KIFAP3: variants seen among roughly 807,000 people sequenced by gnomAD.
The protein encoded by KIFAP3 is kinesin-associated protein 3.
A neutral mutation model predicts 106.5 loss-of-function variants in KIFAP3; 68 were observed. The observed-to-expected ratio is 0.64, with a 90% CI of 0.53 to 0.78. KIFAP3 has a LOEUF of 0.78. Among genes scored for constraint, KIFAP3 ranks in the 30% least tolerant of loss-of-function variants. The pLI is 0.00. For missense variants in KIFAP3, 780 were observed against 941.8 expected (o/e 0.83, Z 2.25); for synonymous variants, 320 against 311.5 (o/e 1.03, Z -0.29).
At chr1:169,973,409 T>C (rs1666042557) in intron 16 of KIFAP3, among the ~76,000 whole-genome samples, 1 of 138,338 alleles carries the variant, frequency 7.2e-6, no homozygotes, top group Admixed American at 7.4e-5. Flanking sequence ...ACAAAACAAA[T>C]ACTAAAAACT....
Position 169,969,291 on chromosome 1 carries a change from C to G in KIFAP3, c.1983+3222G>C, listed in dbSNP as rs547490812. 5.3e-5 allele frequency among the ~76,000 whole-genome samples: 8 copies of G among 152,042 alleles called. No individual in the cohort carries two copies. The East Asian group carries it at 1.5e-3, about 29-fold the overall frequency. On this transcript the variant is annotated intron_variant, in intron 17 of 19. Coordinates refer to ENST00000361580, the MANE Select transcript of KIFAP3 (RefSeq NM_014970.4). ...CCTTCTCTGTAACTTCTCTTCAAGA[C>G]GTTGTAAGATACTTCTTAAAGTGTT...
chr1:169,936,961 T>TTA (rs58498952), intron 19 of KIFAP3, among the ~76,000 whole-genome samples: 81,101 of 145,598 alleles, frequency 0.56, 22,697 homozygotes, highest in Middle Eastern at 0.71. Flanking sequence ...GGAATATATA[T>TTA]TATATATATA....
chr1:169,951,510 T>C (rs560519971), intron 19 of KIFAP3, among the ~76,000 whole-genome samples: 2 of 151,992 alleles, frequency 1.3e-5, no homozygotes, highest in East Asian at 3.9e-4. Context: ...GTAAAAGGAT[T>C]TTCCCAAAGT....
chr1:170,041,470 C>T (rs1328554137), intron 3 of KIFAP3, among the ~76,000 whole-genome samples: 2 of 152,076 alleles, frequency 1.3e-5, no homozygotes, highest in Admixed American at 6.5e-5. Flanking sequence ...AGTGAGACCC[C>T]GTCTCTACAA....
chr1:170,022,403 C>T (rs529887442), intron 9 of KIFAP3, among the ~76,000 whole-genome samples: 2 of 151,844 alleles, frequency 1.3e-5, no homozygotes, highest in East Asian at 3.9e-4. Context: ...TTAAAAATTG[C>T]TTATTGTTAA....
At chr1:169,957,583 A>G (rs1338216373) in intron 18 of KIFAP3, among the ~76,000 whole-genome samples, 1 of 152,064 alleles carries the variant, frequency 6.6e-6, no homozygotes, top group African/African-American at 2.4e-5. Flanking sequence ...CTTATATATC[A>G]TCTTGTATAT....
At chr1:169,933,716 A>C (rs1489950227) in intron 19 of KIFAP3, among the ~76,000 whole-genome samples, 2 of 152,054 alleles carry the variant, frequency 1.3e-5, no homozygotes, top group African/African-American at 4.8e-5. Context: ...CTTCTTTGTC[A>C]CTCATGTACA....
intron 19 of KIFAP3, among the ~76,000 whole-genome samples, chr1:169,929,925 C>T (rs537978620): frequency 2.2e-4 from 33 of 152,098 alleles, no homozygotes; most frequent in African/African-American, 5.8e-4. Flanking sequence ...CACTGAGATA[C>T]TTCAGATAAA....
upstream of KIFAP3, among the ~76,000 whole-genome samples, chr1:170,076,953 T>C (rs1380222367): frequency 1.3e-5 from 2 of 152,222 alleles, no homozygotes; most frequent in African/African-American, 2.4e-5. Context: ...GCTGGACTTC[T>C]GGGTCGGGTG....
At position 169,941,566 on chromosome 1, in the gene KIFAP3, A is replaced by G. The variant is rs541232744; in HGVS notation, c.2273+12445T>C. 8.2e-4 allele frequency among the ~76,000 whole-genome samples: 125 copies of G among 152,280 alleles called. 1 individual carries two copies. Among genetic ancestry groups the G allele is most frequent in the African/African-American group, 2.8e-3 (118 of 41,570 alleles). On this transcript the variant is annotated intron_variant, in intron 19 of 19. Transcript: ENST00000361580. ...TGGCTAAACAGTAACTGTGACTTCA[A>G]TCTTCTGGGAAAATATAAGCTGATT... is the stretch of plus-strand genomic sequence containing the variant.
intron 19 of KIFAP3, among the ~76,000 whole-genome samples, chr1:169,950,161 A>C (rs934961536): frequency 1.3e-5 from 2 of 152,122 alleles, no homozygotes; most frequent in African/African-American, 4.8e-5. Context: ...ATTTTTCTTT[A>C]AACAATTAAA....
intron 11 of KIFAP3, among the ~76,000 whole-genome samples, chr1:169,988,183 A>G (rs778786441): frequency 2.0e-5 from 3 of 152,190 alleles, no homozygotes; most frequent in Middle Eastern, 3.4e-3. Context: ...AATATTTTCT[A>G]AAAGTGAATT....
At chr1:169,944,278 A>G (rs1158256474) in intron 19 of KIFAP3, among the ~76,000 whole-genome samples, 1 of 152,144 alleles carries the variant, frequency 6.6e-6, no homozygotes. Flanking sequence ...AGCTCCAGGC[A>G]CTGGTACAGG....
intron 19 of KIFAP3, among the ~76,000 whole-genome samples, chr1:169,932,110 C>CTA (rs1032552953): frequency 1.3e-5 from 2 of 152,152 alleles, no homozygotes; most frequent in African/African-American, 4.8e-5. Context: ...ATACTTAAAA[C>CTA]CTCTTGGATT....
intron 19 of KIFAP3, among the ~76,000 whole-genome samples, chr1:169,948,713 G>A (rs964684873): frequency 1.3e-5 from 2 of 151,886 alleles, no homozygotes; most frequent in Non-Finnish European, 2.9e-5. Flanking sequence ...ATCAAAGAAG[G>A]AATTTTGCAG....
intron 8 of KIFAP3, among the ~76,000 whole-genome samples, chr1:170,030,460 C>A (rs563394845): frequency 6.7e-4 from 102 of 151,910 alleles, no homozygotes; most frequent in African/African-American, 2.4e-3. Context: ...TATGACTCAG[C>A]CATTCCATCA....
intron 19 of KIFAP3, among the ~76,000 whole-genome samples, chr1:169,941,746 C>T (rs191703175): frequency 6.6e-6 from 1 of 152,052 alleles, no homozygotes; most frequent in Non-Finnish European, 1.5e-5. Flanking sequence ...TTCCAGTTGC[C>T]AACCACAAAA....
chr1:169,961,363 G>C (rs1311534869), intron 17 of KIFAP3, 128 bp from the exon 18 acceptor site: 1 of 613,818 alleles, frequency 1.6e-6, no homozygotes, highest in Non-Finnish European at 2.8e-6. Context: ...ACAAATACCT[G>C]TTCAGGATTA....
At chr1:169,994,735 G>A (rs530386943) in intron 10 of KIFAP3, among the ~76,000 whole-genome samples, 2 of 150,788 alleles carry the variant, frequency 1.3e-5, no homozygotes, top group South Asian at 4.2e-4. Context: ...TTTCCCTATG[G>A]TATTATTTAT....
Sources: gnomAD v4.1 joint callset for allele counts (sites outside exome capture counted in the v4.1 genomes callset) on GRCh38, gnomAD v4.1.1 for gene constraint, MANE v1.5 for transcripts, NCBI Gene and HGNC (gene_info 2026-07-23, HGNC 2026-07-21) for gene names.